The following KLHL2 variants were observed in gnomAD, a reference collection of about 807,000 sequenced individuals.
The protein encoded by KLHL2 is kelch-like protein 2.
In KLHL2, 15 loss-of-function variants were observed where a neutral mutation model predicts 75.8. That is an observed-to-expected ratio of 0.20 (90% CI 0.13 to 0.30). The LOEUF is 0.30. Ranked by LOEUF, KLHL2 falls within the 10% of genes least tolerant of loss-of-function variation. The pLI is 1.00. For synonymous variants in KLHL2, 214 were observed against 251.9 expected (o/e 0.85, Z 1.42); for missense variants, 381 against 741.0 (o/e 0.51, Z 5.64).
chr4:165,221,758 GACA>G (rs1738015059), intron 2 of KLHL2, among the ~76,000 whole-genome samples: 1 of 152,158 alleles, frequency 6.6e-6, no homozygotes, highest in Non-Finnish European at 1.5e-5. Context: ...GTACCGCTTT[GACA>G]ACATTTTCAG....
intron 1 of KLHL2, among the ~76,000 whole-genome samples, chr4:165,217,541 A>C (rs2110969845): frequency 6.6e-6 from 1 of 152,182 alleles, no homozygotes; most frequent in East Asian, 1.9e-4. Flanking sequence ...TTCCCTGTGG[A>C]GGTAAAGCCT....
chr4:165,229,209 A>G (rs1458962437), intron 3 of KLHL2, among the ~76,000 whole-genome samples: 1 of 152,216 alleles, frequency 6.6e-6, no homozygotes, highest in Non-Finnish European at 1.5e-5. Context: ...TATTATTTTG[A>G]CAAAAGGAAG....
At chr4:165,264,765 TAA>T (rs199982052) in intron 5 of KLHL2, among the ~76,000 whole-genome samples, 1,358 of 94,024 alleles carry the variant, frequency 0.014, 35 homozygotes, top group African/African-American at 0.062. Flanking sequence ...TATATATATA[TAA>T]AACATTATCC....
chr4:165,263,682 C>T (rs1271514806), intron 5 of KLHL2, among the ~76,000 whole-genome samples: 2 of 150,768 alleles, frequency 1.3e-5, no homozygotes, highest in African/African-American at 4.9e-5. Flanking sequence ...TGGCTCATTG[C>T]AACCTCCGCC....
chr4:165,237,412 G>A (rs1214778025), intron 3 of KLHL2, among the ~76,000 whole-genome samples: 1 of 149,798 alleles, frequency 6.7e-6, no homozygotes, highest in Non-Finnish European at 1.5e-5. Flanking sequence ...CATACAAAGA[G>A]ATGTTTTTCT....
chr4:165,209,231 T>C (rs1269610864), intron 1 of KLHL2, among the ~76,000 whole-genome samples: 2 of 152,324 alleles, frequency 1.3e-5, no homozygotes, highest in African/African-American at 2.4e-5. Flanking sequence ...CTAGGAAATA[T>C]GATGGTGGAT....
chr4:165,216,171 C>T (rs1363783213), intron 1 of KLHL2, among the ~76,000 whole-genome samples: 2 of 152,142 alleles, frequency 1.3e-5, no homozygotes, highest in Non-Finnish European at 2.9e-5. Flanking sequence ...TTGTTTTCTT[C>T]CTGTCTGAGA....
chr4:165,229,559 T>C (rs1452289595), intron 3 of KLHL2, among the ~76,000 whole-genome samples: 2 of 152,224 alleles, frequency 1.3e-5, no homozygotes, highest in Admixed American at 1.3e-4. Context: ...AATGTAGTTA[T>C]ACCAAAAAGC....
intron 5 of KLHL2, among the ~76,000 whole-genome samples, chr4:165,264,702 GTGTA>G (rs1287184150): frequency 2.3e-4 from 23 of 100,186 alleles, no homozygotes; most frequent in Admixed American, 2.0e-3. Flanking sequence ...GTGTGTGTGT[GTGTA>G]TATATATATA....
Position 165,322,246 on chromosome 4 carries a change from C to A in KLHL2, c.*186C>A. On this transcript the variant is annotated 3_prime_UTR_variant, in exon 15 of 15. Coordinates refer to ENST00000226725, the MANE Select transcript of KLHL2 (RefSeq NM_007246.4). ...ATTTTTGGTAGAAGCACCGTGTAGG[C>A]TTTTTCTGCAATGAGCAGCAGCTGA... 1 of 584,270 alleles carries A rather than the reference C, an allele frequency of 1.7e-6. No individual in the cohort carries two copies. The highest frequency in any genetic ancestry group is 3.0e-6 in the Non-Finnish European group (1 of 330,716). 36.2% of individuals were successfully genotyped at this position (584,270 alleles called of 1,614,324 possible). A position where few individuals can be genotyped will look rare whatever the true frequency, so the allele number is the denominator to read the frequency against.
intron 10 of KLHL2, 84 bp downstream of exon 10, chr4:165,310,834 G>A (rs947285813): frequency 1.8e-5 from 19 of 1,083,064 alleles, no homozygotes; most frequent in Non-Finnish European, 2.5e-5. Context: ...GCAACATTAG[G>A]GCACATGTGA....
intron 7 of KLHL2, among the ~76,000 whole-genome samples, chr4:165,298,275 G>GT (rs140285105): frequency 6.8e-5 from 6 of 88,042 alleles, no homozygotes; most frequent in African/African-American, 1.7e-4. Flanking sequence ...CTTCTTTACT[G>GT]TTTTTTTCTT....
chr4:165,213,398 A>G (rs1290949424), intron 1 of KLHL2, among the ~76,000 whole-genome samples: 7 of 152,276 alleles, frequency 4.6e-5, no homozygotes, highest in African/African-American at 1.7e-4. Flanking sequence ...CAAGATCATC[A>G]TGTGCTTTTA....
At chr4:165,241,117 T>C (rs575434471) in intron 4 of KLHL2, among the ~76,000 whole-genome samples, 2 of 152,324 alleles carry the variant, frequency 1.3e-5, no homozygotes, top group African/African-American at 4.8e-5. Flanking sequence ...TTTGTTTTGT[T>C]TTAAGTTTTT....
rs1216985793 is a variant in KLHL2, at chr4:165,264,740, G to GTA, written c.544+1406_544+1407dup. Among the ~76,000 whole-genome samples, 120 of 75,740 alleles carry GTA rather than the reference G, an allele frequency of 1.6e-3. 2 individuals carry two copies. Among genetic ancestry groups the GTA allele is most frequent in the African/African-American group, 5.7e-3 (116 of 20,412 alleles). 49.7% of individuals were successfully genotyped at this position (75,740 alleles called of 152,430 possible). A position where few individuals can be genotyped will look rare whatever the true frequency, so the allele number is the denominator to read the frequency against. ...TATATACATATATATATATATATAT[G>GTA]TATATATATATATATATATATATAT... On this transcript the variant is annotated intron_variant, in intron 5 of 14. Coordinates refer to ENST00000226725, the MANE Select transcript of KLHL2 (RefSeq NM_007246.4).
At chr4:165,244,879 T>TG (rs1189579779) in intron 4 of KLHL2, among the ~76,000 whole-genome samples, 8 of 152,112 alleles carry the variant, frequency 5.3e-5, no homozygotes, top group African/African-American at 1.2e-4. Context: ...TGTGTGTGTG[T>TG]TTTTTTTGAC....
chr4:165,238,025 CTT>C (rs1288233379), intron 3 of KLHL2, among the ~76,000 whole-genome samples: 1 of 152,136 alleles, frequency 6.6e-6, no homozygotes, highest in Non-Finnish European at 1.5e-5. Flanking sequence ...GGAAGAAAGT[CTT>C]TTACTGTTTT....
intron 4 of KLHL2, among the ~76,000 whole-genome samples, chr4:165,245,417 A>G (rs950515609): frequency 6.6e-6 from 1 of 152,130 alleles, no homozygotes; most frequent in Admixed American, 6.5e-5. Flanking sequence ...ACTCAAGCCT[A>G]TAGCTCTTAT....
chr4:165,273,308 C>T (rs1481887400), intron 5 of KLHL2, among the ~76,000 whole-genome samples: 1 of 152,170 alleles, frequency 6.6e-6, no homozygotes, highest in Non-Finnish European at 1.5e-5. Context: ...CTATGTATTT[C>T]ATCCTTATAT....
Sources: allele counts gnomAD v4.1 joint callset (sites outside exome capture counted in the v4.1 genomes callset), GRCh38; gene constraint gnomAD v4.1.1; transcripts MANE v1.5; gene names NCBI Gene and HGNC (gene_info 2026-07-23, HGNC 2026-07-21).